The following WFDC2 variants were observed in gnomAD, a reference collection of about 807,000 sequenced individuals.
WFDC2 encodes WAP four-disulfide core domain protein 2.
WFDC2 carries 8 observed loss-of-function variants against 12.5 expected under a neutral mutation model. The ratio of observed to expected loss-of-function variants is 0.64; its 90% CI spans 0.37 to 1.15. The LOEUF is 1.15. Among genes scored for constraint, WFDC2 ranks in the 50% most tolerant of loss-of-function variants. The probability of loss-of-function intolerance (pLI) is 0.01; values close to 1 mark genes in which losing one functional copy is unlikely to be tolerated. For missense variants in WFDC2, 166 were observed against 159.9 expected (o/e 1.04, Z -0.21); for synonymous variants, 74 against 67.2 (o/e 1.10, Z -0.49).
At chr20:45,479,912 C>T (rs368505183) in intron 2 of WFDC2, 30 bp from the exon 3 acceptor site, 12 of 1,614,084 alleles carry the variant, frequency 7.4e-6, no homozygotes, top group Non-Finnish European at 9.3e-6. Context: ...TCGCCTCTGC[C>T]CACTTACCCT....
intron 2 of WFDC2, among the ~76,000 whole-genome samples, chr20:45,472,224 C>A (rs1991181332): frequency 6.6e-6 from 1 of 152,124 alleles, no homozygotes; most frequent in Admixed American, 6.5e-5. Context: ...ACCCATCAAC[C>A]CGTCATCTAC....
intron 2 of WFDC2, among the ~76,000 whole-genome samples, chr20:45,472,489 G>A (rs6017578): frequency 0.15 from 22,232 of 152,098 alleles, 2,303 homozygotes; most frequent in African/African-American, 0.29. Context: ...TGGTGTAGAC[G>A]TGCCACATTT....
rs1183857996 is a variant in WFDC2, at chr20:45,481,499, C to T, written c.*130C>T. 6.6e-6 allele frequency: 1 copy of T among 152,372 alleles called. No homozygotes were observed. The highest frequency in any genetic ancestry group is 1.5e-5 in the Non-Finnish European group (1 of 68,144). The allele number at this position is 152,372 out of a possible 1,614,324, so 9.4% of individuals were successfully genotyped here. On this transcript the variant is annotated 3_prime_UTR_variant, in exon 4 of 4. Transcript: ENST00000372676. ...CCTCTTGGGCTGACCACAGCTTCTCCCTTTCCCAACCAATAAAGTAACCAC... is the reference window on the plus strand; with the variant it reads ...CCTCTTGGGCTGACCACAGCTTCTCTCTTTCCCAACCAATAAAGTAACCAC...
chr20:45,472,225 C>T (rs1015961961), intron 2 of WFDC2, among the ~76,000 whole-genome samples: 3 of 152,098 alleles, frequency 2.0e-5, no homozygotes, highest in East Asian at 1.9e-4. Flanking sequence ...CCCATCAACC[C>T]GTCATCTACA....
intron 2 of WFDC2, among the ~76,000 whole-genome samples, chr20:45,473,398 T>C (rs545197989): frequency 6.6e-6 from 1 of 152,374 alleles, no homozygotes; most frequent in Admixed American, 6.5e-5. Context: ...GTTTTCTGCA[T>C]ATGGCTAGCC....
intron 2 of WFDC2, among the ~76,000 whole-genome samples, chr20:45,471,571 A>C (rs1991172672): frequency 6.6e-6 from 1 of 152,220 alleles, no homozygotes; most frequent in Non-Finnish European, 1.5e-5. Context: ...GGGGACTGGC[A>C]GCCCACCAAG....
chr20:45,479,673 G>T (rs1991275765), intron 2 of WFDC2: 2 of 1,613,912 alleles, frequency 1.2e-6, no homozygotes, highest in South Asian at 2.2e-5. Context: ...AGACACGGAG[G>T]CTCTGGGAGA....
chr20:45,469,890 T>A, intron 1 of WFDC2, 30 bp downstream of exon 1: 1 of 1,573,788 alleles, frequency 6.4e-7, no homozygotes, highest in South Asian at 1.2e-5. Flanking sequence ...GCCCGGCGCC[T>A]AGAGGGGCCG....
Position 45,470,559 on chromosome 20 carries a change from C to A in WFDC2, c.223+27C>A. The A allele has an allele frequency of 1.3e-6, 2 of 1,563,612 alleles. No individual in the cohort carries two copies. The highest frequency in any genetic ancestry group is 8.7e-7 in the Non-Finnish European group (1 of 1,151,154). ...TAACCCCACGGCGGCCGAGCGGGAA[C>A]GGGGCGGGGCCGCGCTGGGCTGGGA... On this transcript the variant is annotated intron_variant, in intron 2 of 3. Transcript: ENST00000372676. The surrounding 1 kb of genome is among the most constrained non-coding windows in gnomAD (Gnocchi z 5.4).
intron 2 of WFDC2, 65 bp from the exon 3 acceptor site, chr20:45,479,877 G>T (rs1329512993): frequency 2.5e-6 from 4 of 1,614,084 alleles, no homozygotes; most frequent in Admixed American, 1.7e-5. Flanking sequence ...GGGCCATGCT[G>T]CAGGTACAAG....
intron 3 of WFDC2, among the ~76,000 whole-genome samples, chr20:45,480,939 C>G (rs1213757618): frequency 6.6e-6 from 1 of 152,184 alleles, no homozygotes; most frequent in East Asian, 1.9e-4. Context: ...TTCTCACCTC[C>G]CTGAGTCACA....
At chr20:45,471,080 G>A (rs1991165975) in intron 2 of WFDC2, 2 of 466,936 alleles carry the variant, frequency 4.3e-6, no homozygotes, top group Non-Finnish European at 4.5e-6. Flanking sequence ...AGAAAAAAAT[G>A]TTCTTGCCCA....
In WFDC2 at chr20:45,481,475, C is replaced by T. The variant is rs2145508900; in HGVS notation, c.*106C>T. On this transcript the variant is annotated 3_prime_UTR_variant, in exon 4 of 4. Transcript: ENST00000372676. ...CCCCTTTTTCGGGACTCTGTATTCC[C>T]TCTTGGGCTGACCACAGCTTCTCCC... is the stretch of plus-strand genomic sequence containing the variant. 1 of 152,502 alleles carries T rather than the reference C, an allele frequency of 6.6e-6. No homozygotes were observed. The highest frequency in any genetic ancestry group is 1.5e-5 in the Non-Finnish European group (1 of 68,140). 9.4% of individuals were successfully genotyped at this position (152,502 alleles called of 1,614,324 possible). A position where few individuals can be genotyped will look rare whatever the true frequency, so the allele number is the denominator to read the frequency against.
intron 2 of WFDC2, chr20:45,471,141 T>C (rs1283219414): frequency 6.4e-6 from 3 of 471,214 alleles, no homozygotes; most frequent in African/African-American, 4.0e-5. Context: ...GGGTTCAGCT[T>C]TTGCCTTTCA....
At chr20:45,473,452 T>G (rs1991197301) in intron 2 of WFDC2, among the ~76,000 whole-genome samples, 1 of 152,230 alleles carries the variant, frequency 6.6e-6, no homozygotes. Context: ...CCTTTCCCCA[T>G]TGCTTGTTTT....
Position 45,480,061 on chromosome 20 carries a change from G to A in WFDC2, c.343G>A (p.Gly115Arg), listed in dbSNP as rs1266638980. Residue 115 changes from glycine (G) to arginine (R), a missense_variant, in exon 3 of 4, where the codon GGG (glycine) becomes AGG (arginine). Gly to Arg is a moderately radical substitution (Grantham distance 125, BLOSUM62 -2). Coordinates refer to ENST00000372676, the MANE Select transcript of WFDC2 (RefSeq NM_006103.4). ...GQMKCCRNGC[G>R]KVSCVTPNF The stretch of plus-strand genomic sequence containing the variant: ...GATGAAATGCTGCCGCAATGGCTGT[G>A]GGAAGGTGTCCTGTGTCACTCCCAA... 1.9e-6 allele frequency: 3 copies of A among 1,614,210 alleles called. No individual in the cohort carries two copies. The highest frequency in any genetic ancestry group is 1.7e-5 in the Admixed American group (1 of 60,028).
rs1236359071 is a variant in WFDC2 at position 45,470,144 on chromosome 20, G to T, written c.80-245G>T. Among the ~76,000 whole-genome samples the T allele has an allele frequency of 6.6e-6, 1 of 152,120 alleles. No individual in the cohort carries two copies. The highest frequency in any genetic ancestry group is 1.5e-5 in the Non-Finnish European group (1 of 68,010). ...GCCTCGACCTCGGAAGCTCCGAGAC[G>T]CTCAGCTGTGCGGCGTCCCCTAGGG... On this transcript the variant is annotated intron_variant, in intron 1 of 3. Transcript: ENST00000372676. The surrounding 1 kb of genome is among the most constrained non-coding windows in gnomAD (Gnocchi z 5.4).
At chr20:45,479,770 G>A in intron 2 of WFDC2, 172 bp from the exon 3 acceptor site, 3 of 1,613,890 alleles carry the variant, frequency 1.9e-6, no homozygotes, top group Non-Finnish European at 2.5e-6. Context: ...GGATTTGCAG[G>A]TGATCTTCCT....
intron 2 of WFDC2, among the ~76,000 whole-genome samples, chr20:45,473,043 C>T (rs1037079347): frequency 1.2e-4 from 18 of 151,402 alleles, no homozygotes; most frequent in Non-Finnish European, 2.1e-4. Flanking sequence ...GTTTTTTTCT[C>T]GTAAATTTGT....
Sources: allele counts gnomAD v4.1 joint callset (sites outside exome capture counted in the v4.1 genomes callset), GRCh38; gene constraint gnomAD v4.1.1; non-coding constraint Gnocchi (gnomAD v3.1); transcripts MANE v1.5; gene names NCBI Gene and HGNC (gene_info 2026-07-23, HGNC 2026-07-21).